Variants in SPATA13 observed in about 807,000 individuals in gnomAD.
SPATA13 encodes the protein spermatogenesis associated 13.
In SPATA13, 50 loss-of-function variants were observed where a neutral mutation model predicts 104.0. The ratio of observed to expected loss-of-function variants is 0.48; its 90% confidence interval spans 0.38 to 0.61. The LOEUF is 0.61. Ranked by LOEUF, SPATA13 falls within the 20% of genes least tolerant of loss-of-function variation. The pLI is 0.00. For missense variants in SPATA13, 1,524 were observed against 1,690.6 expected (o/e 0.90, Z 1.73); for synonymous variants, 606 against 667.5 (o/e 0.91, Z 1.42).
chr13:23,983,586 A>G (rs1875006174), intron 1 of SPATA13: 1 of 152,130 alleles, frequency 6.6e-6, no homozygotes. Context: ...CTCTTAGCAC[A>G]AATAAATGGT....
chr13:24,290,346 TC>T (rs1366777965), intron 8 of SPATA13, among the ~76,000 whole-genome samples: 2 of 152,246 alleles, frequency 1.3e-5, no homozygotes, highest in East Asian at 3.9e-4. Flanking sequence ...GAGGCCCTGC[TC>T]CCCACCTTCC....
intron 2 of SPATA13, among the ~76,000 whole-genome samples, chr13:24,233,337 C>T (rs1372662417): frequency 6.6e-6 from 1 of 152,104 alleles, no homozygotes; most frequent in Non-Finnish European, 1.5e-5. Flanking sequence ...ATGATATTTC[C>T]TAAATAGTAT....
intron 4 of SPATA13, among the ~76,000 whole-genome samples, chr13:24,254,147 AG>A (rs2138668561): frequency 6.6e-6 from 1 of 152,134 alleles, no homozygotes; most frequent in East Asian, 1.9e-4. Flanking sequence ...TCATTTTCCC[AG>A]TGGTACGAAG....
At chr13:24,270,631 C>A in intron 4 of SPATA13, 2 of 923,006 alleles carry the variant, frequency 2.2e-6, no homozygotes, top group Non-Finnish European at 3.2e-6. Context: ...TGAAGTCCCC[C>A]GCAATGTCAC....
At chr13:24,132,249 C>G (rs960488668) in intron 3 of SPATA13, among the ~76,000 whole-genome samples, 1 of 152,214 alleles carries the variant, frequency 6.6e-6, no homozygotes, top group Admixed American at 6.5e-5. Context: ...TGCAGAGCTG[C>G]CATGCAGCCT....
chr13:24,286,467 C>A lies in SPATA13; in HGVS notation c.2481+74C>A. On this transcript the variant is annotated intron_variant, in intron 6 of 12. Transcript: ENST00000382108. This position sits in a 1 kb window ranked among gnomAD's most constrained non-coding sequence, Gnocchi z 4.9. ...AGGATCCTTTCAGGTCAGAACTCGCCTTTTATCAGGTCAGCTCTTTTGTAA... is the reference window on the plus strand; with the variant it reads ...AGGATCCTTTCAGGTCAGAACTCGCATTTTATCAGGTCAGCTCTTTTGTAA... The A allele has an allele frequency of 6.9e-7, 1 of 1,450,470 alleles. No homozygotes were observed. Among genetic ancestry groups the A allele is most frequent in the Non-Finnish European group, 9.3e-7 (1 of 1,073,062 alleles). 89.8% of individuals were successfully genotyped at this position (1,450,470 alleles called of 1,614,324 possible). A position where few individuals can be genotyped will look rare whatever the true frequency, so the allele number is the denominator to read the frequency against.
chr13:24,041,367 A>G (rs1182196780), intron 3 of SPATA13, among the ~76,000 whole-genome samples: 4 of 152,238 alleles, frequency 2.6e-5, no homozygotes, highest in African/African-American at 7.2e-5. Context: ...CCTATTGACA[A>G]ATTTTGACCC....
At chr13:24,299,719 G>A (rs1304589397) in intron 11 of SPATA13, among the ~76,000 whole-genome samples, 3 of 152,194 alleles carry the variant, frequency 2.0e-5, no homozygotes, top group Non-Finnish European at 4.4e-5. Flanking sequence ...CAGGAGGAAG[G>A]CTTCCCGCGG....
At chr13:24,006,999 C>T (rs1179867536) in intron 2 of SPATA13, among the ~76,000 whole-genome samples, 2 of 152,194 alleles carry the variant, frequency 1.3e-5, no homozygotes. Flanking sequence ...TCCTTCCTTC[C>T]GTGTGGAGCC....
chr13:24,254,118 C>T (rs892431636), intron 4 of SPATA13, among the ~76,000 whole-genome samples: 7 of 152,132 alleles, frequency 4.6e-5, no homozygotes, highest in Admixed American at 6.5e-5. Flanking sequence ...CAAAAGCCAT[C>T]CCCATTTTCC....
chr13:24,178,529 T>C (rs142929075), intron 1 of SPATA13, among the ~76,000 whole-genome samples: 51 of 152,316 alleles, frequency 3.3e-4, no homozygotes, highest in Non-Finnish European at 7.3e-5. Context: ...TAGTAATAAG[T>C]ACCCTAATAA....
At chr13:24,114,277 A>T (rs1880752487) in intron 3 of SPATA13, among the ~76,000 whole-genome samples, 1 of 151,252 alleles carries the variant, frequency 6.6e-6, no homozygotes, top group Admixed American at 6.6e-5. Flanking sequence ...TCAGATTGTG[A>T]ATCTTTCTCA....
chr13:24,078,880 G>T (rs751375160), intron 3 of SPATA13, among the ~76,000 whole-genome samples: 1 of 152,162 alleles, frequency 6.6e-6, no homozygotes, highest in Non-Finnish European at 1.5e-5. Context: ...CATTTACCAT[G>T]CTGGGTACTG....
chr13:24,055,401 A>G (rs1878507411), intron 3 of SPATA13, among the ~76,000 whole-genome samples: 1 of 152,186 alleles, frequency 6.6e-6, no homozygotes, highest in African/African-American at 2.4e-5. Context: ...TTAGGCAAAT[A>G]TCTTAATTTC....
intron 3 of SPATA13, among the ~76,000 whole-genome samples, chr13:24,020,833 C>T (rs552782124): frequency 2.0e-5 from 3 of 152,212 alleles, no homozygotes; most frequent in East Asian, 3.9e-4. Context: ...CACAAGGTCA[C>T]GAGTTCAAGA....
chr13:24,045,674 G>C (rs1016296773), intron 3 of SPATA13, among the ~76,000 whole-genome samples: 2 of 152,174 alleles, frequency 1.3e-5, no homozygotes, highest in African/African-American at 2.4e-5. Flanking sequence ...GAATGCTAAG[G>C]CTTCATTTTT....
chr13:24,224,532 C>T lies in SPATA13; in HGVS notation c.1603C>T (p.Leu535=), dbSNP rs1005060345. ...TGGTGATGAGGGCAGCAAGGACCTT[C>T]TGGTGAACATTGGTGTGGCAGCCGG... ...THGDEGSKDL[L]VNIGVAAGPE... Residue 535 remains leucine (L), a synonymous_variant, in exon 2 of 13, where the codon CTG becomes TTG. Coordinates refer to ENST00000382108, the MANE Select transcript of SPATA13 (RefSeq NM_001166271.3). The T allele has an allele frequency of 3.9e-6, 6 of 1,545,266 alleles. No individual in the cohort carries two copies. In the African/African-American group the frequency reaches 5.5e-5, roughly 14 times the overall value.
intron 12 of SPATA13, among the ~76,000 whole-genome samples, chr13:24,301,221 G>T (rs1386955765): frequency 3.3e-5 from 5 of 152,094 alleles, no homozygotes; most frequent in Admixed American, 1.3e-4. Flanking sequence ...ACTTTAAAAG[G>T]CATTTACCCC....
At chr13:23,987,546 T>C (rs1244075256) in intron 2 of SPATA13, among the ~76,000 whole-genome samples, 2 of 152,200 alleles carry the variant, frequency 1.3e-5, no homozygotes, top group Non-Finnish European at 2.9e-5. Context: ...AATTAAGCAT[T>C]TTTTTCTCCA....
Sources: gnomAD v4.1 joint callset for allele counts (sites outside exome capture counted in the v4.1 genomes callset) on GRCh38, gnomAD v4.1.1 for gene constraint, Gnocchi (gnomAD v3.1) non-coding constraint, MANE v1.5 for transcripts, NCBI Gene and HGNC (gene_info 2026-07-23, HGNC 2026-07-21) for gene names.